PRELID2: variants seen among roughly 807,000 people sequenced by gnomAD.
PRELID2 encodes PRELI domain-containing protein 2.
A neutral mutation model predicts 28.4 loss-of-function variants in PRELID2; 25 were observed. That is an observed-to-expected ratio of 0.88 (90% CI 0.64 to 1.23). The LOEUF is 1.23. Ranked by LOEUF, PRELID2 falls within the 50% of genes most tolerant of loss-of-function variation. The probability of loss-of-function intolerance (pLI) is 0.00; values close to 1 mark genes in which losing one functional copy is unlikely to be tolerated. For synonymous variants in PRELID2, 76 were observed against 71.6 expected (o/e 1.06, Z -0.31); for missense variants, 201 against 214.4 (o/e 0.94, Z 0.39).
At chr5:145,316,896 C>A in the PRELID2 span, among the ~76,000 whole-genome samples, 2 of 152,304 alleles carry the variant, frequency 1.3e-5, no homozygotes, top group South Asian at 4.1e-4. Flanking sequence ...CCCTCGTTTA[C>A]CTCAATTCCA....
chr5:145,400,089 A>G, the PRELID2 span, among the ~76,000 whole-genome samples: 7 of 152,104 alleles, frequency 4.6e-5, no homozygotes, highest in African/African-American at 1.4e-4. Flanking sequence ...CTGGACCTTT[A>G]TTGGATAATG....
At chr5:145,265,378 A>T in the PRELID2 span, among the ~76,000 whole-genome samples, 1 of 152,186 alleles carries the variant, frequency 6.6e-6, no homozygotes, top group Non-Finnish European at 1.5e-5. Context: ...AACATTGTGA[A>T]AATGACCATA....
chr5:145,611,773 T>G (rs546048526), intron 1 of PRELID2, among the ~76,000 whole-genome samples: 1 of 152,224 alleles, frequency 6.6e-6, no homozygotes, highest in Non-Finnish European at 1.5e-5. Context: ...CTTGTTTGAT[T>G]GTTTGTTGTG....
the PRELID2 span, among the ~76,000 whole-genome samples, chr5:145,426,004 A>C: frequency 6.6e-6 from 1 of 152,116 alleles, no homozygotes; most frequent in Non-Finnish European, 1.5e-5. Flanking sequence ...ACTCAGCTCA[A>C]GTCTCACTTA....
chr5:145,812,668 A>C (rs568454832), intron 4 of PRELID2, among the ~76,000 whole-genome samples: 118 of 152,304 alleles, frequency 7.7e-4, no homozygotes, highest in African/African-American at 2.5e-3. Context: ...TGCTACTTGC[A>C]GCACAAGGCA....
intron 1 of PRELID2, among the ~76,000 whole-genome samples, chr5:145,730,221 C>T (rs1756299707): frequency 1.3e-5 from 2 of 152,142 alleles, no homozygotes; most frequent in Admixed American, 1.3e-4. Context: ...GACTCTTTTA[C>T]ATTATGTCAG....
the PRELID2 span, among the ~76,000 whole-genome samples, chr5:145,422,780 G>A: frequency 2.0e-5 from 3 of 151,560 alleles, no homozygotes; most frequent in Non-Finnish European, 2.9e-5. Context: ...CTGTCATTAT[G>A]ATGTTAGCTG....
the PRELID2 span, among the ~76,000 whole-genome samples, chr5:145,255,792 A>G: frequency 0.011 from 1,675 of 151,936 alleles, 55 homozygotes; most frequent in African/African-American, 0.038. Context: ...AAAACTATAT[A>G]TATATGTTAT....
the PRELID2 span, among the ~76,000 whole-genome samples, chr5:145,385,443 G>A: frequency 6.6e-6 from 1 of 152,314 alleles, no homozygotes; most frequent in South Asian, 2.1e-4. Context: ...CTCAGATGGT[G>A]TCTTCCATCA....
the PRELID2 span, among the ~76,000 whole-genome samples, chr5:145,379,923 G>C: frequency 6.6e-6 from 1 of 152,126 alleles, no homozygotes; most frequent in Non-Finnish European, 1.5e-5. Context: ...AGGTGGTCAG[G>C]TCAGACCAGC....
intron 1 of PRELID2, among the ~76,000 whole-genome samples, chr5:145,633,651 T>G (rs536827718): frequency 6.6e-6 from 1 of 152,312 alleles, no homozygotes; most frequent in South Asian, 2.1e-4. Context: ...TGTTTGCTAT[T>G]TTGATTTCCT....
chr5:145,262,506 A>G, the PRELID2 span, among the ~76,000 whole-genome samples: 1 of 152,146 alleles, frequency 6.6e-6, no homozygotes, highest in African/African-American at 2.4e-5. Context: ...GAAACCCTAC[A>G]AGCTAGAAGG....
intron 1 of PRELID2, among the ~76,000 whole-genome samples, chr5:145,652,758 C>T (rs1276083351): frequency 6.6e-6 from 1 of 152,168 alleles, no homozygotes; most frequent in Admixed American, 6.5e-5. Flanking sequence ...AAGCACTAAA[C>T]ATGGAAAGGA....
At chr5:145,665,431 G>A (rs1754569731) in intron 1 of PRELID2, among the ~76,000 whole-genome samples, 1 of 152,060 alleles carries the variant, frequency 6.6e-6, no homozygotes, top group Admixed American at 6.6e-5. Context: ...TATATTTACT[G>A]ACTTTACTCA....
chr5:145,737,485 A>G (rs1188948783), intron 1 of PRELID2, among the ~76,000 whole-genome samples: 1 of 152,196 alleles, frequency 6.6e-6, no homozygotes, highest in Non-Finnish European at 1.5e-5. Flanking sequence ...TGAAGAAGCT[A>G]GGAAACTTGG....
At chr5:145,427,321 T>A in the PRELID2 span, among the ~76,000 whole-genome samples, 277 of 152,330 alleles carry the variant, frequency 1.8e-3, 1 homozygote, top group African/African-American at 6.4e-3. Flanking sequence ...TAATGTAGTG[T>A]GTTACCAAAA....
At chr5:145,617,638 T>C (rs767309926) in intron 1 of PRELID2, among the ~76,000 whole-genome samples, 1 of 152,188 alleles carries the variant, frequency 6.6e-6, no homozygotes, top group Non-Finnish European at 1.5e-5. Flanking sequence ...CTTCTACTTA[T>C]TTAATTCTAT....
At chr5:145,699,984 T>G (rs912804329) in intron 1 of PRELID2, among the ~76,000 whole-genome samples, 4 of 152,044 alleles carry the variant, frequency 2.6e-5, no homozygotes, top group African/African-American at 9.7e-5. Flanking sequence ...TCCTGAAATT[T>G]CCCAACTGAA....
the PRELID2 span, among the ~76,000 whole-genome samples, chr5:145,358,826 C>A: frequency 6.6e-6 from 1 of 152,160 alleles, no homozygotes; most frequent in Non-Finnish European, 1.5e-5. Context: ...ATTCAAAGTT[C>A]TGGAATTAAG....
Sources: gnomAD v4.1 joint callset for allele counts (sites outside exome capture counted in the v4.1 genomes callset) on GRCh38, gnomAD v4.1.1 for gene constraint, MANE v1.5 for transcripts, NCBI Gene and HGNC (gene_info 2026-07-23, HGNC 2026-07-21) for gene names.